Variants in OR52N4 observed in about 807,000 individuals in gnomAD.
The protein encoded by OR52N4 is olfactory receptor 52N4.
OR52N4 carries 15 observed loss-of-function variants against 15.0 expected under a neutral mutation model. The ratio of observed to expected loss-of-function variants is 1.00; its 90% CI spans 0.67 to 1.54. The LOEUF (loss-of-function observed/expected upper bound fraction) is 1.54, where lower values mean the gene tolerates loss of function less well. OR52N4 is among the 40% of genes most tolerant of loss of function. OR52N4 has a pLI of 0.00. For missense variants in OR52N4, 421 were observed against 394.0 expected (o/e 1.07, Z -0.58); for synonymous variants, 143 against 143.7 (o/e 1.00, Z 0.03).
chr11:5,726,854 C>T, the OR52N4 span: 1,900 of 157,938 alleles, frequency 0.012, 17 homozygotes, highest in Middle Eastern at 0.031. Context: ...CACTGTGCTA[C>T]TGGCCATGGC....
the OR52N4 span, among the ~76,000 whole-genome samples, chr11:5,733,207 C>T: frequency 1.1e-4 from 16 of 152,220 alleles, no homozygotes; most frequent in African/African-American, 2.9e-4. Context: ...CATAAATTTG[C>T]TTAAAATTAT....
At chr11:5,741,214 C>T in the OR52N4 span, among the ~76,000 whole-genome samples, 1 of 152,166 alleles carries the variant, frequency 6.6e-6, no homozygotes, top group Admixed American at 6.6e-5. Flanking sequence ...CATGAACAAG[C>T]TGCAAGAATC....
chr11:5,749,442 A>G (rs184206029), upstream of OR52N4, among the ~76,000 whole-genome samples: 378 of 152,094 alleles, frequency 2.5e-3, 2 homozygotes, highest in Non-Finnish European at 3.8e-3. Flanking sequence ...TGTGAATTAT[A>G]ATGATTATGA....
At chr11:5,730,189 ATTTTTTTTTT>A in the OR52N4 span, among the ~76,000 whole-genome samples, 1 of 110,200 alleles carries the variant, frequency 9.1e-6, no homozygotes, top group South Asian at 3.1e-4. Context: ...AGCAGTAACC[ATTTTTTTTTT>A]TTTTTTTTTT....
the OR52N4 span, among the ~76,000 whole-genome samples, chr11:5,728,806 T>G: frequency 6.6e-6 from 1 of 152,182 alleles, no homozygotes; most frequent in Admixed American, 6.5e-5. Context: ...GCACTGTCCA[T>G]TTTTCAGAGA....
At chr11:5,754,620 T>G in intron 1 of OR52N4, 73 bp from the exon 2 acceptor site, 1 of 1,086,232 alleles carries the variant, frequency 9.2e-7, no homozygotes, top group Non-Finnish European at 1.3e-6. Flanking sequence ...CATTATGGAA[T>G]TTTTAAAAGT....
chr11:5,751,041 G>GA (rs550574827), upstream of OR52N4, among the ~76,000 whole-genome samples: 18 of 151,266 alleles, frequency 1.2e-4, no homozygotes, highest in South Asian at 2.1e-4. Flanking sequence ...ATCAAACTTG[G>GA]AAAAAAAACA....
the OR52N4 span, chr11:5,736,385 C>T: frequency 1.3e-6 from 1 of 744,990 alleles, no homozygotes; most frequent in East Asian, 2.5e-5. Flanking sequence ...ACAAGCACAT[C>T]CATTTAATCT....
At chr11:5,742,666 T>G in the OR52N4 span, among the ~76,000 whole-genome samples, 3 of 152,160 alleles carry the variant, frequency 2.0e-5, no homozygotes, top group South Asian at 6.2e-4. Flanking sequence ...GAGAAATAAG[T>G]CTTTCCCAGA....
At position 5,755,476 on chromosome 11, in the gene OR52N4, C is replaced by T; in HGVS notation, c.736C>T (p.His246Tyr). The stretch of plus-strand genomic sequence containing the variant: ...GAAGGCCTTTAATACCTGCACTGCC[C>T]ACATTTGTGCCATTGTTTTCTCCTA... ...RQKAFNTCTAHICAIVFSYTP... is the reference protein window; with the variant it reads ...RQKAFNTCTAYICAIVFSYTP... The change falls in exon 2 of 2, where the codon CAC (histidine) becomes TAC (tyrosine). Residue 246 changes from histidine (H) to tyrosine (Y), a missense_variant. By Grantham distance (83) the His-to-Tyr change is moderately conservative. Transcript: ENST00000641350. 6.2e-7 allele frequency: 1 copy of T among 1,614,054 alleles called. No individual in the cohort carries two copies. Among genetic ancestry groups the T allele is most frequent in the African/African-American group, 1.3e-5 (1 of 75,056 alleles).
the OR52N4 span, among the ~76,000 whole-genome samples, chr11:5,728,161 G>A: frequency 6.6e-6 from 1 of 152,118 alleles, no homozygotes; most frequent in African/African-American, 2.4e-5. Context: ...AAGTCTGAAT[G>A]ACCTTGGATA....
the OR52N4 span, chr11:5,737,592 T>G: frequency 6.3e-6 from 7 of 1,107,460 alleles, no homozygotes; most frequent in Admixed American, 1.7e-4. Flanking sequence ...GGGATTCCCT[T>G]TTTATATTTG....
the OR52N4 span, chr11:5,736,966 C>A: frequency 6.2e-7 from 1 of 1,614,106 alleles, no homozygotes; most frequent in Non-Finnish European, 8.5e-7. Flanking sequence ...GTTCCTTAAT[C>A]TTAAAAGCTA....
chr11:5,729,311 G>A, the OR52N4 span, among the ~76,000 whole-genome samples: 2 of 151,430 alleles, frequency 1.3e-5, no homozygotes, highest in East Asian at 1.9e-4. Context: ...TAGTAGAGAC[G>A]GGGTTTCACC....
At chr11:5,734,074 T>A in the OR52N4 span, 1 of 441,426 alleles carries the variant, frequency 2.3e-6, no homozygotes, top group Non-Finnish European at 4.5e-6. Context: ...TTTACTACTC[T>A]CCATAAATTT....
At chr11:5,753,134 T>C (rs1406702011), upstream of OR52N4, among the ~76,000 whole-genome samples, 1 of 152,152 alleles carries the variant, frequency 6.6e-6, no homozygotes, top group Non-Finnish European at 1.5e-5. Context: ...CTAGTAAATA[T>C]ATATACATAG....
At chr11:5,745,070 T>C in the OR52N4 span, among the ~76,000 whole-genome samples, 10 of 152,168 alleles carry the variant, frequency 6.6e-5, no homozygotes, top group East Asian at 1.9e-3. Context: ...GCCATATACA[T>C]CAAACCAACA....
the OR52N4 span, among the ~76,000 whole-genome samples, chr11:5,731,736 C>T: frequency 6.6e-6 from 1 of 152,080 alleles, no homozygotes; most frequent in South Asian, 2.1e-4. Flanking sequence ...TCTCATCACC[C>T]CTCCTTTTTT....
the OR52N4 span, among the ~76,000 whole-genome samples, chr11:5,746,799 C>T: frequency 6.6e-6 from 1 of 152,020 alleles, no homozygotes; most frequent in African/African-American, 2.4e-5. Context: ...AGCAATTGCA[C>T]TACTCTGTAT....
Sources: gnomAD v4.1 joint callset for allele counts (sites outside exome capture counted in the v4.1 genomes callset) on GRCh38, gnomAD v4.1.1 for gene constraint, MANE v1.5 for transcripts, NCBI Gene and HGNC (gene_info 2026-07-23, HGNC 2026-07-21) for gene names.